Variants in C2orf92 observed in about 807,000 individuals in gnomAD.
C2orf92 encodes the protein uncharacterized protein C2orf92.
At chr2:97,681,606 C>T (rs1024848601) in intron 3 of C2orf92, among the ~76,000 whole-genome samples, 2 of 152,216 alleles carry the variant, frequency 1.3e-5, no homozygotes, top group South Asian at 4.1e-4. Flanking sequence ...CGCCTGTAAT[C>T]CCAGCACTTT....
At chr2:97,673,478 C>A (rs2104538095) in intron 1 of C2orf92, among the ~76,000 whole-genome samples, 1 of 152,290 alleles carries the variant, frequency 6.6e-6, no homozygotes, top group Non-Finnish European at 1.5e-5. Flanking sequence ...GGAGTGAGAT[C>A]ATGAGCGCCA....
At chr2:97,695,843 C>T (rs1676288250) in intron 5 of C2orf92, among the ~76,000 whole-genome samples, 1 of 152,122 alleles carries the variant, frequency 6.6e-6, no homozygotes, top group Non-Finnish European at 1.5e-5. Flanking sequence ...CCTCCACCTC[C>T]CAAATTCAAG....
chr2:97,702,056 C>G (rs1676512624), intron 7 of C2orf92: 2 of 152,294 alleles, frequency 1.3e-5, no homozygotes. Context: ...TTGCTGCGTC[C>G]CCAGGGACAT....
chr2:97,672,081 G>T (rs1419863354), intron 1 of C2orf92, among the ~76,000 whole-genome samples: 1 of 152,150 alleles, frequency 6.6e-6, no homozygotes, highest in Non-Finnish European at 1.5e-5. Context: ...AAAGGGTTCT[G>T]AACCACAGCT....
chr2:97,692,407 CTTTT>C (rs755849117), intron 5 of C2orf92, among the ~76,000 whole-genome samples: 1 of 119,380 alleles, frequency 8.4e-6, no homozygotes, highest in African/African-American at 3.3e-5. Flanking sequence ...AGTTTTACTT[CTTTT>C]TTTTTTTTTT....
At chr2:97,688,150 G>A (rs553452044) in intron 3 of C2orf92, among the ~76,000 whole-genome samples, 32 of 151,634 alleles carry the variant, frequency 2.1e-4, no homozygotes, top group African/African-American at 6.6e-4. Flanking sequence ...CCAGGGACTC[G>A]TAGGTCAGCA....
chr2:97,674,105 C>T (rs1001053876), intron 1 of C2orf92: 1 of 183,920 alleles, frequency 5.4e-6, no homozygotes, highest in Non-Finnish European at 1.1e-5. Flanking sequence ...GTGGCTTTGG[C>T]GCAGGAGGTC....
At chr2:97,690,646 G>T (rs1676101660) in intron 5 of C2orf92, among the ~76,000 whole-genome samples, 1 of 152,040 alleles carries the variant, frequency 6.6e-6, no homozygotes, top group Non-Finnish European at 1.5e-5. Context: ...CTCCCAAAGT[G>T]CTGGGATGAC....
intron 5 of C2orf92, among the ~76,000 whole-genome samples, chr2:97,691,400 A>G (rs1043331064): frequency 2.0e-5 from 3 of 152,096 alleles, no homozygotes; most frequent in Non-Finnish European, 2.9e-5. Context: ...GCTGCCCCGG[A>G]GGAATTCTCC....
At chr2:97,673,658 C>CT (rs1236770512) in intron 1 of C2orf92, among the ~76,000 whole-genome samples, 1 of 152,154 alleles carries the variant, frequency 6.6e-6, no homozygotes, top group Non-Finnish European at 1.5e-5. Context: ...CTGGCCCTTG[C>CT]TTTGTAGCTC....
At chr2:97,673,218 G>A (rs1170930001) in intron 1 of C2orf92, among the ~76,000 whole-genome samples, 2 of 152,076 alleles carry the variant, frequency 1.3e-5, no homozygotes, top group African/African-American at 2.4e-5. Flanking sequence ...TGTGTCTGTC[G>A]GGTCCCAGGC....
In C2orf92 at chr2:97,683,883, G is replaced by A. The variant is rs143499956; in HGVS notation, c.233-5012G>A. ...TCTTTTCTTTTTTTTTTGAGATGGA[G>A]TCTCACTCTGTCGCCCAGGCTGGAG... On this transcript the variant is annotated intron_variant, in intron 3 of 7. Transcript: ENST00000627399. Among the ~76,000 whole-genome samples the A allele has an allele frequency of 3.1e-3, 466 of 152,132 alleles. 4 individuals carry two copies. Among genetic ancestry groups the A allele is most frequent in the African/African-American group, 0.011 (450 of 41,500 alleles).
Position 97,701,870 on chromosome 2 carries a change from T to G in C2orf92, c.665+566T>G, listed in dbSNP as rs550300242. ...CAAGGCTCTGCTTCAGTGGTGGTCA[T>G]TTTGACTGGTCAGTGCCTGTCTACA... On this transcript the variant is annotated intron_variant, in intron 7 of 7. Transcript: ENST00000627399. Among the ~76,000 whole-genome samples the G allele has an allele frequency of 7.9e-5, 12 of 152,332 alleles. No homozygotes were observed. The South Asian group carries it at 2.5e-3, about 32-fold the overall frequency.
chr2:97,681,306 C>G (rs1303636347), intron 3 of C2orf92, among the ~76,000 whole-genome samples: 1 of 152,040 alleles, frequency 6.6e-6, no homozygotes, highest in African/African-American at 2.4e-5. Context: ...CACAAATCTT[C>G]ATTAATTGAA....
intron 1 of C2orf92, among the ~76,000 whole-genome samples, chr2:97,672,028 A>G (rs545474436): frequency 6.6e-6 from 1 of 152,354 alleles, no homozygotes; most frequent in South Asian, 2.1e-4. Flanking sequence ...TGTGAGAAAA[A>G]CTAAGGCCCA....
At chr2:97,684,149 C>A (rs1675874919) in intron 3 of C2orf92, among the ~76,000 whole-genome samples, 1 of 151,840 alleles carries the variant, frequency 6.6e-6, no homozygotes, top group African/African-American at 2.4e-5. Context: ...CATTCTCCTG[C>A]CTCAGCCTCC....
At chr2:97,669,654 G>C (rs533140170), upstream of C2orf92, 7 of 393,742 alleles carry the variant, frequency 1.8e-5, no homozygotes, top group African/African-American at 1.4e-4. Context: ...TCATGGTTGA[G>C]CAGGCTCCAC....
chr2:97,687,762 C>CG (rs1553566345), intron 3 of C2orf92, among the ~76,000 whole-genome samples: 1 of 150,070 alleles, frequency 6.7e-6, no homozygotes, highest in Non-Finnish European at 1.5e-5. Flanking sequence ...GTGTCAGGAG[C>CG]GCTGGGCTTG....
At chr2:97,671,004 T>C (rs1675394533) in intron 1 of C2orf92, 1 of 152,346 alleles carries the variant, frequency 6.6e-6, no homozygotes, top group Non-Finnish European at 1.5e-5. Context: ...CAGGCTGGAG[T>C]GCAGTGGCGC....
Sources: gnomAD v4.1 joint callset for allele counts (sites outside exome capture counted in the v4.1 genomes callset) on GRCh38, gnomAD v4.1.1 for gene constraint, MANE v1.5 for transcripts, NCBI Gene and HGNC (gene_info 2026-07-23, HGNC 2026-07-21) for gene names.